The following RIPOR3 variants were observed in gnomAD, a reference collection of about 807,000 sequenced individuals.
RIPOR3 encodes family with sequence similarity 65 member C.
RIPOR3 carries 95 observed loss-of-function variants against 114.3 expected under a neutral mutation model. The observed-to-expected ratio is 0.83, with a 90% CI of 0.70 to 0.99. The LOEUF (loss-of-function observed/expected upper bound fraction) is 0.99, where lower values mean the gene tolerates loss of function less well. RIPOR3 is among the 50% of genes least tolerant of loss of function. The pLI is 0.00. For synonymous variants in RIPOR3, 575 were observed against 543.8 expected (o/e 1.06, Z -0.80); for missense variants, 1,252 against 1,266.9 (o/e 0.99, Z 0.18).
chr20:50,608,795 C>T (rs534597096), intron 9 of RIPOR3, 57 bp from the exon 10 acceptor site: 140 of 1,611,852 alleles, frequency 8.7e-5, no homozygotes, highest in South Asian at 8.6e-4. Flanking sequence ...CCTTGCTGTC[C>T]GCCCAGGGCC....
intron 1 of RIPOR3, among the ~76,000 whole-genome samples, chr20:50,680,949 G>C (rs1266688510): frequency 2.6e-5 from 4 of 152,160 alleles, no homozygotes; most frequent in African/African-American, 7.2e-5. Context: ...ACAATAGCTG[G>C]CACAGTGGCT....
intron 1 of RIPOR3, among the ~76,000 whole-genome samples, chr20:50,682,612 A>ATATGTGTGTGTGTGTG (rs145272267): frequency 2.0e-5 from 3 of 146,792 alleles, no homozygotes; most frequent in Non-Finnish European, 4.5e-5. Context: ...GTCTCAAAAT[A>ATATGTGTGTGTGTGTG]TGTGTGTGTG....
At chr20:50,636,700 A>T in intron 1 of RIPOR3, 1 of 985,508 alleles carries the variant, frequency 1.0e-6, no homozygotes, top group Non-Finnish European at 1.2e-6. Context: ...AGGAAGCCAG[A>T]TGCTCCCAGA....
intron 11 of RIPOR3, among the ~76,000 whole-genome samples, chr20:50,606,155 G>A (rs1485826513): frequency 6.6e-6 from 1 of 152,202 alleles, no homozygotes; most frequent in Admixed American, 6.5e-5. Context: ...GCAGTGAGCC[G>A]AGATTGCGCC....
At chr20:50,659,647 CAAA>C (rs558386174) in intron 1 of RIPOR3, among the ~76,000 whole-genome samples, 9 of 78,138 alleles carry the variant, frequency 1.2e-4, no homozygotes, top group Admixed American at 1.4e-4. Context: ...AACTCCGTCT[CAAA>C]AAAAAAAAAA....
chr20:50,633,404 T>C (rs6020654), intron 1 of RIPOR3, among the ~76,000 whole-genome samples: 43,635 of 152,186 alleles, frequency 0.29, 11,199 homozygotes, highest in African/African-American at 0.69. Flanking sequence ...TTCTACAAGT[T>C]AGGGTTTCTG....
chr20:50,613,453 G>A (rs1431272018), intron 4 of RIPOR3, among the ~76,000 whole-genome samples: 8 of 150,558 alleles, frequency 5.3e-5, no homozygotes, highest in Non-Finnish European at 8.9e-5. Flanking sequence ...AATCCATCCC[G>A]AAAAAAAAGA....
At chr20:50,615,440 G>A (rs564995124) in intron 4 of RIPOR3, among the ~76,000 whole-genome samples, 1 of 149,056 alleles carries the variant, frequency 6.7e-6, no homozygotes, top group Non-Finnish European at 1.5e-5. Context: ...TAAAAGGATC[G>A]TTTGAGCCCA....
In RIPOR3 at chr20:50,653,742, C is replaced by T. The variant is rs2085705027; in HGVS notation, c.4-22886G>A. 2.0e-5 allele frequency among the ~76,000 whole-genome samples: 3 copies of T among 152,176 alleles called. No homozygotes were observed. In the South Asian group the frequency reaches 6.2e-4, roughly 32 times the overall value. On this transcript the variant is annotated intron_variant, in intron 1 of 21. Coordinates refer to ENST00000327979, the MANE Select transcript of RIPOR3 (RefSeq NM_001290268.2). The stretch of plus-strand genomic sequence containing the variant: ...AGTAGGTGGGACTACAGGCATGCAC[C>T]ACCCACTTGGCTACTTTTTGAATTT...
chr20:50,636,580 C>T (rs1436445501), intron 1 of RIPOR3: 1 of 985,522 alleles, frequency 1.0e-6, no homozygotes, highest in Non-Finnish European at 1.2e-6. Flanking sequence ...AGTTCCCAAA[C>T]CTTTGGTGGC....
intron 1 of RIPOR3, among the ~76,000 whole-genome samples, chr20:50,682,547 C>T (rs562818594): frequency 5.0e-4 from 76 of 151,878 alleles, no homozygotes; most frequent in African/African-American, 1.7e-3. Flanking sequence ...GTCAAGGCTA[C>T]AGTGAGCTGA....
intron 19 of RIPOR3, chr20:50,590,063 T>G (rs2083061471): frequency 3.1e-6 from 1 of 324,010 alleles, no homozygotes. Context: ...TATAAAATGC[T>G]GAATCAGAGA....
Position 50,587,147 on chromosome 20 carries a change from A to C in RIPOR3, c.*85T>G. The C allele has an allele frequency of 9.7e-7, 1 of 1,025,864 alleles. No homozygotes were observed. Among genetic ancestry groups the C allele is most frequent in the Non-Finnish European group, 1.5e-6 (1 of 662,956 alleles). 63.5% of individuals were successfully genotyped at this position (1,025,864 alleles called of 1,614,324 possible). A position where few individuals can be genotyped will look rare whatever the true frequency, so the allele number is the denominator to read the frequency against. On this transcript the variant is annotated 3_prime_UTR_variant, in exon 22 of 22. Coordinates refer to ENST00000327979, the MANE Select transcript of RIPOR3 (RefSeq NM_001290268.2). ...TCACACTCCTGGAGGAGTGCACAGC[A>C]CCATTACCCAGAGTGCAGGCTATGT...
intron 1 of RIPOR3, among the ~76,000 whole-genome samples, chr20:50,637,733 G>A (rs905667341): frequency 2.0e-5 from 3 of 151,954 alleles, no homozygotes; most frequent in Non-Finnish European, 4.4e-5. Flanking sequence ...AAATTAGCCA[G>A]GCGTAGTGGC....
intron 11 of RIPOR3, among the ~76,000 whole-genome samples, chr20:50,605,250 C>T (rs2083664474): frequency 6.6e-6 from 1 of 151,596 alleles, no homozygotes. Context: ...AAACTCTTTA[C>T]ACAAATCCTT....
At chr20:50,634,608 G>A (rs894983151) in intron 1 of RIPOR3, among the ~76,000 whole-genome samples, 8 of 152,220 alleles carry the variant, frequency 5.3e-5, no homozygotes, top group African/African-American at 1.7e-4. Flanking sequence ...AAAGGTTGAC[G>A]CTGCTTCCCC....
rs1341350085 is a variant in RIPOR3, at chr20:50,594,721, G to A, written c.2051-7C>T. On this transcript the variant is annotated splice_region_variant and splice_polypyrimidine_tract_variant and intron_variant, in intron 16 of 21. Coordinates refer to ENST00000327979, the MANE Select transcript of RIPOR3 (RefSeq NM_001290268.2). Reference sequence around the variant, plus strand: ...CGCGAGGCCTGTGGGATGACTGAAAGCCCCAGTTCAGAAACCTGAATGGTG... The same window carrying A: ...CGCGAGGCCTGTGGGATGACTGAAAACCCCAGTTCAGAAACCTGAATGGTG... 3 of 1,605,464 alleles carry A rather than the reference G, an allele frequency of 1.9e-6. No individual in the cohort carries two copies. The South Asian group carries it at 3.3e-5, about 18-fold the overall frequency.
At chr20:50,622,860 T>C (rs1463398599) in intron 2 of RIPOR3, among the ~76,000 whole-genome samples, 10 of 152,228 alleles carry the variant, frequency 6.6e-5, no homozygotes, top group African/African-American at 2.2e-4. Context: ...CTGAGAATTC[T>C]ATTAGATGCC....
At chr20:50,630,041 C>T (rs1472865002) in intron 2 of RIPOR3, among the ~76,000 whole-genome samples, 7 of 151,222 alleles carry the variant, frequency 4.6e-5, no homozygotes, top group Admixed American at 4.6e-4. Flanking sequence ...GATCTCGGTA[C>T]ACTGCAACCT....
Sources: allele counts gnomAD v4.1 joint callset (sites outside exome capture counted in the v4.1 genomes callset), GRCh38; gene constraint gnomAD v4.1.1; transcripts MANE v1.5; gene names NCBI Gene and HGNC (gene_info 2026-07-23, HGNC 2026-07-21).